The following GRID2 variants were observed in gnomAD, a reference collection of about 807,000 sequenced individuals.
The protein encoded by GRID2 is glutamate receptor ionotropic, delta-2.
Under a neutral mutation model 114.8 loss-of-function variants are expected in GRID2, and 33 were observed. That is an observed-to-expected ratio of 0.29 (90% CI 0.22 to 0.38). GRID2 has a LOEUF of 0.38. Ranked by LOEUF, GRID2 falls within the 10% of genes least tolerant of loss-of-function variation. GRID2 has a pLI of 1.00. For missense variants in GRID2, 1,184 were observed against 1,257.7 expected (o/e 0.94, Z 0.89); for synonymous variants, 505 against 449.9 (o/e 1.12, Z -1.55).
At chr4:92,518,617 A>AT (rs35101347) in intron 1 of GRID2, among the ~76,000 whole-genome samples, 16 of 151,334 alleles carry the variant, frequency 1.1e-4, no homozygotes, top group African/African-American at 2.2e-4. Flanking sequence ...AGTTCTGGAA[A>AT]TTTTTTTTTC....
intron 2 of GRID2, among the ~76,000 whole-genome samples, chr4:93,032,210 A>T (rs537726215): frequency 6.6e-6 from 1 of 152,112 alleles, no homozygotes; most frequent in Non-Finnish European, 1.5e-5. Flanking sequence ...TTTCATCTCA[A>T]TTATAAGTTA....
intron 12 of GRID2, among the ~76,000 whole-genome samples, chr4:93,511,795 C>A (rs1050093948): frequency 8.5e-5 from 7 of 81,956 alleles, no homozygotes; most frequent in Non-Finnish European, 1.6e-4. Flanking sequence ...TTTTTTTTTT[C>A]TTTTCTGAGA....
In GRID2 at chr4:93,805,228, T is replaced by C. The variant is rs538332531; in HGVS notation, c.222-1487T>C. Reference sequence around the variant, plus strand: ...AACATGACTCAAAAACTTAACTTCATGTTGAAATGTTAGGGACGTATTGAT... The same window carrying C: ...AACATGACTCAAAAACTTAACTTCACGTTGAAATGTTAGGGACGTATTGAT... On this transcript the variant is annotated intron_variant, in intron 1 of 1. Transcript: ENST00000637838. 5.9e-5 allele frequency among the ~76,000 whole-genome samples: 9 copies of C among 152,362 alleles called. No homozygotes were observed. The South Asian group carries it at 1.2e-3, about 21-fold the overall frequency.
At chr4:92,397,393 T>G (rs1227580138) in intron 1 of GRID2, among the ~76,000 whole-genome samples, 2 of 150,332 alleles carry the variant, frequency 1.3e-5, no homozygotes, top group Non-Finnish European at 3.0e-5. Flanking sequence ...TGTTTCTCCA[T>G]TCAGAAGAAA....
chr4:92,991,284 A>G (rs1488618963), intron 2 of GRID2, among the ~76,000 whole-genome samples: 1 of 152,204 alleles, frequency 6.6e-6, no homozygotes, highest in African/African-American at 2.4e-5. Flanking sequence ...AAGGACATAT[A>G]CAGACTATCA....
In GRID2 at chr4:93,227,291, A is replaced by G. The variant is rs536637171; in HGVS notation, c.1125+2516A>G. On this transcript the variant is annotated intron_variant, in intron 7 of 15. Coordinates refer to ENST00000282020, the MANE Select transcript of GRID2 (RefSeq NM_001510.4). ...CGCACAGGCTGGAGTGCAGTGGTGC[A>G]ATCTCAGCTCACTACAGCCTCTGCC... 4.6e-5 allele frequency among the ~76,000 whole-genome samples: 7 copies of G among 152,066 alleles called. No individual in the cohort carries two copies. The East Asian group carries it at 1.4e-3, about 29-fold the overall frequency.
intron 2 of GRID2, among the ~76,000 whole-genome samples, chr4:93,001,452 A>C (rs1720970225): frequency 1.3e-5 from 2 of 151,708 alleles, no homozygotes; most frequent in Non-Finnish European, 3.0e-5. Context: ...TTATTATAGG[A>C]GTCAAAGCTA....
intron 2 of GRID2, among the ~76,000 whole-genome samples, chr4:92,681,761 G>GT (rs1733660235): frequency 6.6e-6 from 1 of 152,062 alleles, no homozygotes; most frequent in African/African-American, 2.4e-5. Context: ...TAAAAATTAA[G>GT]TAACAGAAAA....
At chr4:92,417,092 A>G (rs188669338) in intron 1 of GRID2, among the ~76,000 whole-genome samples, 2 of 152,036 alleles carry the variant, frequency 1.3e-5, no homozygotes, top group African/African-American at 4.8e-5. Context: ...TTTCAAATAT[A>G]TGTAATTTTA....
intron 9 of GRID2, among the ~76,000 whole-genome samples, chr4:93,401,181 G>A (rs1765848179): frequency 6.6e-6 from 1 of 151,246 alleles, no homozygotes; most frequent in African/African-American, 2.5e-5. Flanking sequence ...AAAAACTGCA[G>A]TGCAGTTGTT....
At chr4:92,451,629 A>G (rs939462963) in intron 1 of GRID2, among the ~76,000 whole-genome samples, 4 of 152,158 alleles carry the variant, frequency 2.6e-5, no homozygotes, top group South Asian at 4.1e-4. Context: ...TTTGAGTGCT[A>G]CAAAGAAAGG....
chr4:93,409,231 C>T (rs1309895734), intron 9 of GRID2, among the ~76,000 whole-genome samples: 2 of 152,116 alleles, frequency 1.3e-5, no homozygotes, highest in African/African-American at 4.8e-5. Context: ...TGTGAAGTCA[C>T]TCAATAATGA....
At chr4:92,775,752 T>C (rs960958371) in intron 2 of GRID2, among the ~76,000 whole-genome samples, 1 of 152,090 alleles carries the variant, frequency 6.6e-6, no homozygotes, top group South Asian at 2.1e-4. Context: ...AACCAGCAAA[T>C]AGGTTTAGTT....
chr4:93,119,672 A>G (rs1404962501), intron 4 of GRID2, among the ~76,000 whole-genome samples: 1 of 152,202 alleles, frequency 6.6e-6, no homozygotes, highest in Admixed American at 6.5e-5. Context: ...GTATTGTACT[A>G]TACCCTAGGT....
chr4:93,076,139 C>A (rs1391514665), intron 2 of GRID2, among the ~76,000 whole-genome samples: 2 of 151,946 alleles, frequency 1.3e-5, no homozygotes, highest in African/African-American at 4.8e-5. Context: ...ACCTAGTGAT[C>A]AGCCTGCCTC....
intron 1 of GRID2, among the ~76,000 whole-genome samples, chr4:93,798,161 AAAAAAAT>A (rs1218439397): frequency 6.6e-6 from 1 of 152,106 alleles, no homozygotes; most frequent in Non-Finnish European, 1.5e-5. Context: ...CTCAAGAAGA[AAAAAAAT>A]AAAAAATAAA....
intron 2 of GRID2, among the ~76,000 whole-genome samples, chr4:92,813,551 C>T (rs1045275118): frequency 6.6e-6 from 1 of 152,086 alleles, no homozygotes; most frequent in African/African-American, 2.4e-5. Flanking sequence ...CTCTTAGTAT[C>T]TGGCATCTCT....
intron 4 of GRID2, among the ~76,000 whole-genome samples, chr4:93,113,776 T>C (rs1195244668): frequency 6.6e-6 from 1 of 152,126 alleles, no homozygotes; most frequent in Non-Finnish European, 1.5e-5. Context: ...TTGTTATAGA[T>C]GGTATCTTGA....
At chr4:93,783,169 G>GC (rs1158377826) in intron 1 of GRID2, among the ~76,000 whole-genome samples, 2 of 152,216 alleles carry the variant, frequency 1.3e-5, no homozygotes, top group African/African-American at 4.8e-5. Context: ...GGGAGGGAAG[G>GC]CATGCTGACC....
Sources: gnomAD v4.1 joint callset for allele counts (sites outside exome capture counted in the v4.1 genomes callset) on GRCh38, gnomAD v4.1.1 for gene constraint, MANE v1.5 for transcripts, NCBI Gene and HGNC (gene_info 2026-07-23, HGNC 2026-07-21) for gene names.